Variants in PACS1 observed in about 807,000 individuals in gnomAD.
The protein encoded by PACS1 is PACS-1.
In PACS1, 24 loss-of-function variants were observed where a neutral mutation model predicts 115.0. The observed-to-expected ratio is 0.21, with a 90% CI of 0.15 to 0.29. PACS1 has a LOEUF of 0.29. Among genes scored for constraint, PACS1 ranks in the 10% least tolerant of loss-of-function variants. The probability of loss-of-function intolerance (pLI) is 1.00; values close to 1 mark genes in which losing one functional copy is unlikely to be tolerated. For missense variants in PACS1, 838 were observed against 1,251.2 expected, an observed-to-expected ratio of 0.67 and a Z score of 4.98; for synonymous variants, 453 against 504.5, an observed-to-expected ratio of 0.90 and a Z score of 1.37.
In PACS1 at chr11:66,200,744, C is replaced by T. The variant is rs557240531; in HGVS notation, c.444+7171C>T. Among the ~76,000 whole-genome samples the T allele has an allele frequency of 2.6e-5, 4 of 152,198 alleles. No individual in the cohort carries two copies. The South Asian group carries it at 8.3e-4, about 32-fold the overall frequency. ...CCACTTTCAGCATTGGAAAGATCAT[C>T]CAGACAAAATAAAGAAACATCAGAC... On this transcript the variant is annotated intron_variant, in intron 2 of 23. Transcript: ENST00000320580.
intron 1 of PACS1, among the ~76,000 whole-genome samples, chr11:66,110,447 G>A (rs367643360): frequency 6.6e-6 from 1 of 151,994 alleles, no homozygotes; most frequent in African/African-American, 2.4e-5. Context: ...GAGTAGCTGG[G>A]ACCACAGGCA....
At chr11:66,239,485 A>G (rs558077128) in intron 21 of PACS1, among the ~76,000 whole-genome samples, 151 of 152,156 alleles carry the variant, frequency 9.9e-4, no homozygotes, top group African/African-American at 3.5e-3. Context: ...GCGCCACTGC[A>G]CTGTAGCCTG....
intron 21 of PACS1, chr11:66,241,017 C>T (rs1293335554): frequency 6.5e-6 from 1 of 154,916 alleles, no homozygotes; most frequent in African/African-American, 2.4e-5. Context: ...TTCTGCCGGG[C>T]TCAGGCCTTC....
chr11:66,167,054 C>A (rs552872744), intron 1 of PACS1, among the ~76,000 whole-genome samples: 2 of 150,506 alleles, frequency 1.3e-5, no homozygotes, highest in Middle Eastern at 3.4e-3. Context: ...GAGTTCCCAT[C>A]GTGCCGCATC....
At chr11:66,129,251 G>A (rs184909251) in intron 1 of PACS1, among the ~76,000 whole-genome samples, 84 of 151,674 alleles carry the variant, frequency 5.5e-4, no homozygotes, top group African/African-American at 2.0e-3. Flanking sequence ...GACCAAGATG[G>A]TGAAACCCTG....
intron 2 of PACS1, among the ~76,000 whole-genome samples, chr11:66,204,969 C>G (rs1423292407): frequency 1.3e-5 from 2 of 152,020 alleles, no homozygotes; most frequent in Admixed American, 6.6e-5. Flanking sequence ...TAGTGAAACC[C>G]CATCTCTATT....
intron 10 of PACS1, among the ~76,000 whole-genome samples, chr11:66,222,334 T>C (rs1565153410): frequency 6.6e-6 from 1 of 151,996 alleles, no homozygotes; most frequent in East Asian, 1.9e-4. Flanking sequence ...ATTTATAATT[T>C]AGTCAAGAGG....
intron 1 of PACS1, among the ~76,000 whole-genome samples, chr11:66,190,399 GTAGT>G (rs1854489100): frequency 6.6e-6 from 1 of 151,990 alleles, no homozygotes; most frequent in Non-Finnish European, 1.5e-5. Flanking sequence ...AACAATGTAC[GTAGT>G]TAACTACATT....
intron 1 of PACS1, among the ~76,000 whole-genome samples, chr11:66,158,055 C>A (rs931253052): frequency 2.6e-5 from 4 of 152,152 alleles, no homozygotes; most frequent in African/African-American, 9.7e-5. Context: ...CAGCCTCCTT[C>A]CCCTGGACTC....
At chr11:66,207,048 C>T (rs1332168116) in intron 2 of PACS1, among the ~76,000 whole-genome samples, 1 of 152,188 alleles carries the variant, frequency 6.6e-6, no homozygotes, top group East Asian at 1.9e-4. Flanking sequence ...TCGTCTGTGT[C>T]CCCACTGTTT....
At chr11:66,199,058 A>G (rs1198843911) in intron 2 of PACS1, among the ~76,000 whole-genome samples, 1 of 152,136 alleles carries the variant, frequency 6.6e-6, no homozygotes, top group Non-Finnish European at 1.5e-5. Context: ...GCTCACGCCT[A>G]TAATCCCAGG....
At chr11:66,082,820 A>T (rs1857509695) in intron 1 of PACS1, among the ~76,000 whole-genome samples, 1 of 152,174 alleles carries the variant, frequency 6.6e-6, no homozygotes, top group African/African-American at 2.4e-5. Context: ...ATGCCATTGC[A>T]CTCCAGCCTG....
intron 1 of PACS1, among the ~76,000 whole-genome samples, chr11:66,116,629 A>C (rs1312013860): frequency 6.6e-6 from 1 of 152,210 alleles, no homozygotes; most frequent in African/African-American, 2.4e-5. Context: ...ACAGTGGCTC[A>C]CGCCTGTAAT....
intron 1 of PACS1, among the ~76,000 whole-genome samples, chr11:66,111,974 T>G (rs908319235): frequency 2.6e-5 from 4 of 152,202 alleles, no homozygotes; most frequent in African/African-American, 9.7e-5. Context: ...GCCTGCCTCA[T>G]GTAGTCCCTC....
intron 2 of PACS1, among the ~76,000 whole-genome samples, chr11:66,205,945 C>G (rs954100003): frequency 3.3e-5 from 5 of 152,160 alleles, no homozygotes; most frequent in Admixed American, 3.3e-4. Context: ...GTCAGGAGTT[C>G]AAGACCAGCC....
intron 1 of PACS1, among the ~76,000 whole-genome samples, chr11:66,169,383 T>C (rs963074610): frequency 6.7e-6 from 1 of 148,510 alleles, no homozygotes; most frequent in East Asian, 1.9e-4. Context: ...CTGAAATAAA[T>C]CTAAATCTAA....
chr11:66,082,573 C>T (rs887102246), intron 1 of PACS1, among the ~76,000 whole-genome samples: 3 of 152,076 alleles, frequency 2.0e-5, no homozygotes, highest in Admixed American at 6.6e-5. Context: ...AAAATGTTTG[C>T]GCATCAGGCC....
chr11:66,177,281 C>T (rs2134648885), intron 1 of PACS1, among the ~76,000 whole-genome samples: 1 of 152,274 alleles, frequency 6.6e-6, no homozygotes, highest in Non-Finnish European at 1.5e-5. Flanking sequence ...CATCCACCAC[C>T]TCCCGGGTTC....
Position 66,180,762 on chromosome 11 carries a change from G to A in PACS1, c.357-12724G>A, listed in dbSNP as rs1859991607. On this transcript the variant is annotated intron_variant, in intron 1 of 23. Coordinates refer to ENST00000320580, the MANE Select transcript of PACS1 (RefSeq NM_018026.4). The stretch of plus-strand genomic sequence containing the variant: ...CAGCCTTGACCTCCTGGGCTCAAGT[G>A]ATCCTCCTACCTCAGCCTCCCTAGT... 2.6e-5 allele frequency among the ~76,000 whole-genome samples: 4 copies of A among 152,078 alleles called. 1 individual carries two copies. In the South Asian group the frequency reaches 8.3e-4, roughly 31 times the overall value.
Sources: gnomAD v4.1 joint callset for allele counts (sites outside exome capture counted in the v4.1 genomes callset) on GRCh38, gnomAD v4.1.1 for gene constraint, MANE v1.5 for transcripts, NCBI Gene and HGNC (gene_info 2026-07-23, HGNC 2026-07-21) for gene names.